LMBR1: variants seen among roughly 807,000 people sequenced by gnomAD.
LMBR1 encodes limb region 1 protein homolog.
A neutral mutation model predicts 73.9 loss-of-function variants in LMBR1; 52 were observed. That is an observed-to-expected ratio of 0.70 (90% CI 0.56 to 0.89). The LOEUF (loss-of-function observed/expected upper bound fraction) is 0.89. Ranked by LOEUF, LMBR1 falls within the 40% of genes least tolerant of loss-of-function variation. The pLI, the probability that LMBR1 is intolerant of heterozygous loss-of-function variation, is 0.00. For missense variants in LMBR1, 539 were observed against 579.8 expected (o/e 0.93, Z 0.72); for synonymous variants, 215 against 209.4 (o/e 1.03, Z -0.23).
intron 5 of LMBR1, among the ~76,000 whole-genome samples, chr7:156,781,754 C>T (rs529137765): frequency 1.3e-5 from 2 of 152,252 alleles, no homozygotes; most frequent in African/African-American, 4.8e-5. Context: ...CCTTCTGCAC[C>T]AACCTACCCA....
intron 2 of LMBR1, among the ~76,000 whole-genome samples, chr7:156,834,302 T>C (rs972461388): frequency 6.6e-6 from 1 of 152,174 alleles, no homozygotes; most frequent in Non-Finnish European, 1.5e-5. Flanking sequence ...TCATAATTAT[T>C]GTTACAAACA....
At chr7:156,784,583 T>C (rs559657659) in intron 5 of LMBR1, among the ~76,000 whole-genome samples, 19 of 152,224 alleles carry the variant, frequency 1.2e-4, no homozygotes, top group Non-Finnish European at 2.6e-4. Context: ...ATGGTTTTAA[T>C]TCTCTTAAAG....
chr7:156,690,468 A>T (rs1806944993), intron 15 of LMBR1, among the ~76,000 whole-genome samples: 1 of 152,192 alleles, frequency 6.6e-6, no homozygotes, highest in South Asian at 2.1e-4. Flanking sequence ...CCATATAATG[A>T]GAAGTCAGGA....
At chr7:156,701,540 A>T (rs573921216) in intron 15 of LMBR1, among the ~76,000 whole-genome samples, 1 of 152,368 alleles carries the variant, frequency 6.6e-6, no homozygotes, top group East Asian at 1.9e-4. Flanking sequence ...GAATGGCCAA[A>T]ATCCAGAACA....
At chr7:156,752,806 G>C (rs914385161) in intron 9 of LMBR1, among the ~76,000 whole-genome samples, 1 of 152,148 alleles carries the variant, frequency 6.6e-6, no homozygotes, top group Non-Finnish European at 1.5e-5. Flanking sequence ...AGCCAGCTAG[G>C]AGTGAGAGCA....
At chr7:156,844,031 T>A (rs1378331917) in intron 1 of LMBR1, among the ~76,000 whole-genome samples, 1 of 151,806 alleles carries the variant, frequency 6.6e-6, no homozygotes, top group East Asian at 1.9e-4. Flanking sequence ...GAAATAAAAG[T>A]CATACATTAG....
At chr7:156,716,381 T>C (rs1449903737) in intron 15 of LMBR1, among the ~76,000 whole-genome samples, 1 of 152,236 alleles carries the variant, frequency 6.6e-6, no homozygotes, top group African/African-American at 2.4e-5. Flanking sequence ...CATTTTGTTC[T>C]AATCTGGAGG....
intron 1 of LMBR1, among the ~76,000 whole-genome samples, chr7:156,858,072 CAAAA>C (rs764584626): frequency 1.7e-5 from 1 of 59,696 alleles, no homozygotes; most frequent in Non-Finnish European, 3.8e-5. Context: ...CCAAAGTAAG[CAAAA>C]AAAAAAAAAA....
intron 1 of LMBR1, among the ~76,000 whole-genome samples, chr7:156,879,581 G>A (rs998746983): frequency 2.0e-5 from 3 of 150,108 alleles, no homozygotes; most frequent in South Asian, 2.1e-4. Flanking sequence ...GGAGAATGGC[G>A]TGAACCCGAG....
chr7:156,840,175 C>A (rs181910706), intron 1 of LMBR1, among the ~76,000 whole-genome samples: 1 of 152,288 alleles, frequency 6.6e-6, no homozygotes, highest in Admixed American at 6.5e-5. Context: ...ACCAGGCACT[C>A]TTCTAGGAAC....
chr7:156,886,103 A>T (rs1287892174), intron 1 of LMBR1, among the ~76,000 whole-genome samples: 3 of 151,776 alleles, frequency 2.0e-5, no homozygotes, highest in Non-Finnish European at 4.4e-5. Context: ...AGCCTGGGAG[A>T]TAGAGGCTAC....
chr7:156,801,418 TC>T (rs1830946819), intron 4 of LMBR1, among the ~76,000 whole-genome samples: 1 of 152,220 alleles, frequency 6.6e-6, no homozygotes, highest in Non-Finnish European at 1.5e-5. Flanking sequence ...TTTTATATGC[TC>T]TGAGAAATCA....
At position 156,792,171 on chromosome 7, in the gene LMBR1, A is replaced by G. The variant is rs118161223; in HGVS notation, c.423+4218T>C. On this transcript the variant is annotated intron_variant, in intron 5 of 16. Coordinates refer to ENST00000353442, the MANE Select transcript of LMBR1 (RefSeq NM_022458.4). ...CTGGAGGTCTTTTCTGGAGTGGAGGAGGGAGATAAATCATACAGCCAATCT... is the reference window on the plus strand; with the variant it reads ...CTGGAGGTCTTTTCTGGAGTGGAGGGGGGAGATAAATCATACAGCCAATCT... 4.1e-3 allele frequency among the ~76,000 whole-genome samples: 629 copies of G among 152,252 alleles called. 4 individuals carry two copies. The highest frequency in any genetic ancestry group is 8.1e-3 in the South Asian group (39 of 4,822).
intron 15 of LMBR1, among the ~76,000 whole-genome samples, chr7:156,702,543 AT>A (rs1810004850): frequency 6.6e-6 from 1 of 151,590 alleles, no homozygotes; most frequent in African/African-American, 2.4e-5. Flanking sequence ...GACTGAAAAA[AT>A]TTTCTCCCAT....
At chr7:156,757,436 A>G (rs544968409) in intron 8 of LMBR1, among the ~76,000 whole-genome samples, 1 of 152,360 alleles carries the variant, frequency 6.6e-6, no homozygotes, top group Admixed American at 6.5e-5. Context: ...GTCAAACAAC[A>G]GTAGTTCAAA....
intron 1 of LMBR1, among the ~76,000 whole-genome samples, chr7:156,873,466 G>C (rs372365888): frequency 2.6e-5 from 4 of 152,140 alleles, no homozygotes; most frequent in Non-Finnish European, 5.9e-5. Context: ...AAGGTGACCC[G>C]AGCGGGTTGC....
At chr7:156,692,074 C>T (rs552165014) in intron 15 of LMBR1, among the ~76,000 whole-genome samples, 3 of 152,128 alleles carry the variant, frequency 2.0e-5, no homozygotes, top group Non-Finnish European at 4.4e-5. Context: ...TTGAAGCAAA[C>T]GCTTTACCTT....
chr7:156,833,733 C>A lies in LMBR1; in HGVS notation c.179+20G>T, dbSNP rs977300420. The stretch of plus-strand genomic sequence containing the variant: ...GACTTCAGAATCAGAAACAGAACAA[C>A]TGAACTTTAAAATACATACGAAATC... On this transcript the variant is annotated intron_variant, in intron 3 of 16. Coordinates refer to ENST00000353442, the MANE Select transcript of LMBR1 (RefSeq NM_022458.4). 4 of 1,577,916 alleles carry A rather than the reference C, an allele frequency of 2.5e-6. No homozygotes were observed. Among genetic ancestry groups the A allele is most frequent in the African/African-American group, 1.4e-5 (1 of 73,842 alleles).
intron 1 of LMBR1, 191 bp downstream of exon 1, chr7:156,892,737 A>C (rs1803331904): frequency 3.3e-5 from 10 of 303,462 alleles, no homozygotes; most frequent in East Asian, 6.0e-5. Context: ...AGGGGAGGGG[A>C]GAGGAGAGGT....
Sources: gnomAD v4.1 joint callset for allele counts (sites outside exome capture counted in the v4.1 genomes callset) on GRCh38, gnomAD v4.1.1 for gene constraint, MANE v1.5 for transcripts, NCBI Gene and HGNC (gene_info 2026-07-23, HGNC 2026-07-21) for gene names.